The following PDE2A variants were observed in gnomAD, a reference collection of about 807,000 sequenced individuals.
PDE2A encodes the protein phosphodiesterase 2A.
In PDE2A, 53 loss-of-function variants were observed where a neutral mutation model predicts 133.6. The ratio of observed to expected loss-of-function variants is 0.40; its 90% CI spans 0.32 to 0.50. PDE2A has a LOEUF of 0.50. PDE2A is among the 20% of genes least tolerant of loss of function. PDE2A has a pLI of 0.73. For missense variants in PDE2A, 796 were observed against 1,232.4 expected (o/e 0.65, Z 5.30); for synonymous variants, 491 against 490.2 (o/e 1.00, Z -0.02).
At chr11:72,600,598 C>A (rs942205763) in intron 4 of PDE2A, among the ~76,000 whole-genome samples, 18 of 152,300 alleles carry the variant, frequency 1.2e-4, no homozygotes, top group Admixed American at 1.1e-3. Context: ...GAGTCTCCCC[C>A]ACCCACATGG....
At chr11:72,622,230 G>A (rs1481036478) in intron 2 of PDE2A, among the ~76,000 whole-genome samples, 1 of 152,156 alleles carries the variant, frequency 6.6e-6, no homozygotes, top group Non-Finnish European at 1.5e-5. Context: ...TGGCAAGGAT[G>A]TGGAGAAACT....
At chr11:72,639,353 G>A (rs1004518541) in intron 2 of PDE2A, among the ~76,000 whole-genome samples, 4 of 152,214 alleles carry the variant, frequency 2.6e-5, no homozygotes, top group Non-Finnish European at 5.9e-5. Context: ...ACACAGAGAA[G>A]GGGCGAGGGC....
chr11:72,631,434 TC>T (rs1461526381), intron 2 of PDE2A, among the ~76,000 whole-genome samples: 2 of 152,148 alleles, frequency 1.3e-5, no homozygotes, highest in Non-Finnish European at 2.9e-5. Context: ...TTCTGAGGCC[TC>T]CTCCACTTCT....
intron 19 of PDE2A, 38 bp from the exon 20 acceptor site, chr11:72,583,553 G>T: frequency 6.9e-7 from 1 of 1,444,012 alleles, no homozygotes; most frequent in Non-Finnish European, 9.8e-7. Context: ...CAAGGAAGGT[G>T]GCTGTGAAAA....
At chr11:72,635,319 G>A (rs1287225043) in intron 2 of PDE2A, among the ~76,000 whole-genome samples, 1 of 152,198 alleles carries the variant, frequency 6.6e-6, no homozygotes, top group African/African-American at 2.4e-5. Flanking sequence ...ACCATTCTGA[G>A]CTATCTGTCT....
intron 13 of PDE2A, chr11:72,587,828 TGCTGGTAGGTTCTGCA>T (rs1856045986): frequency 6.6e-6 from 1 of 152,250 alleles, no homozygotes; most frequent in African/African-American, 2.4e-5. Flanking sequence ...CACAGTTCCA[TGCTGGTAGGTTCTGCA>T]GCTCAGACCT....
intron 2 of PDE2A, among the ~76,000 whole-genome samples, chr11:72,634,237 G>A (rs1858568755): frequency 6.6e-6 from 1 of 152,106 alleles, no homozygotes; most frequent in East Asian, 1.9e-4. Flanking sequence ...CCTGCAGCTG[G>A]GGAGGGGCTC....
At chr11:72,592,053 C>T (rs1028162196) in intron 6 of PDE2A, among the ~76,000 whole-genome samples, 2 of 152,160 alleles carry the variant, frequency 1.3e-5, no homozygotes, top group South Asian at 2.1e-4. Flanking sequence ...CTCCACCACC[C>T]CCATCATCCT....
chr11:72,638,222 C>T lies in PDE2A; in HGVS notation c.144+4032G>A, dbSNP rs769677072. The stretch of plus-strand genomic sequence containing the variant: ...CACCAGTCACCTGACCCTTCTTGGT[C>T]TCTGGAGCTACTGGTAAAAGAAGGG... On this transcript the variant is annotated intron_variant, in intron 2 of 30. Coordinates refer to ENST00000334456, the MANE Select transcript of PDE2A (RefSeq NM_002599.5). Among the ~76,000 whole-genome samples the T allele has an allele frequency of 5.0e-4, 76 of 152,206 alleles. 1 individual carries two copies. The highest frequency in any genetic ancestry group is 4.3e-4 in the Non-Finnish European group (29 of 68,034).
chr11:72,608,511 A>G, intron 3 of PDE2A, 151 bp downstream of exon 3: 1 of 529,694 alleles, frequency 1.9e-6, no homozygotes, highest in Non-Finnish European at 3.5e-6. Flanking sequence ...GTCTCAGAAC[A>G]CCCATCCAGA....
chr11:72,625,898 G>T (rs1441058772), intron 2 of PDE2A, among the ~76,000 whole-genome samples: 1 of 152,208 alleles, frequency 6.6e-6, no homozygotes, highest in East Asian at 1.9e-4. Flanking sequence ...ATATTTCCCG[G>T]GAAACGGAAC....
intron 2 of PDE2A, among the ~76,000 whole-genome samples, chr11:72,609,816 C>G (rs907684933): frequency 2.6e-5 from 4 of 151,750 alleles, no homozygotes; most frequent in African/African-American, 4.8e-5. Flanking sequence ...ATGAAGGAGA[C>G]ATGGCTGGGT....
intron 2 of PDE2A, among the ~76,000 whole-genome samples, chr11:72,625,787 C>T (rs2047506): frequency 6.6e-6 from 1 of 152,152 alleles, no homozygotes; most frequent in Admixed American, 6.5e-5. Context: ...AGACTCCCCC[C>T]AGCAAGGGCG....
intron 13 of PDE2A, chr11:72,587,776 C>T (rs1856043155): frequency 6.6e-6 from 1 of 152,362 alleles, no homozygotes; most frequent in African/African-American, 2.4e-5. Flanking sequence ...CTGATTCTGC[C>T]TTGCCCCTAT....
At chr11:72,655,347 A>AGACAGCCTGGGGACAATGAGCTTGG (rs57956369) in intron 1 of PDE2A, among the ~76,000 whole-genome samples, 135,589 of 151,846 alleles carry the variant, frequency 0.89, 61,166 homozygotes, top group African/African-American at 0.95. Flanking sequence ...AGCCAGGGTG[A>AGACAGCCTGGGGACAATGAGCTTGG]GGCAGCCTGG....
intron 1 of PDE2A, among the ~76,000 whole-genome samples, chr11:72,652,116 T>A (rs1854757601): frequency 6.6e-6 from 1 of 152,156 alleles, no homozygotes; most frequent in African/African-American, 2.4e-5. Context: ...AGGGCAGAAG[T>A]AGGGAGCAGC....
intron 1 of PDE2A, among the ~76,000 whole-genome samples, chr11:72,673,466 C>T (rs753503639): frequency 4.1e-4 from 62 of 151,874 alleles, no homozygotes; most frequent in Non-Finnish European, 7.2e-4. Context: ...GGTGTCGCCA[C>T]GGCGCCCCCC....
chr11:72,654,873 C>T (rs972743815), intron 1 of PDE2A, among the ~76,000 whole-genome samples: 22 of 152,182 alleles, frequency 1.4e-4, no homozygotes, highest in Non-Finnish European at 2.6e-4. Flanking sequence ...CAGCTCCAGC[C>T]CCCGGTCCCC....
chr11:72,643,819 C>A (rs573979834), intron 1 of PDE2A, among the ~76,000 whole-genome samples: 1 of 152,180 alleles, frequency 6.6e-6, no homozygotes, highest in East Asian at 1.9e-4. Flanking sequence ...ACTCAGGGGG[C>A]AGCCCTCCAT....
Sources: gnomAD v4.1 joint callset for allele counts (sites outside exome capture counted in the v4.1 genomes callset) on GRCh38, gnomAD v4.1.1 for gene constraint, MANE v1.5 for transcripts, NCBI Gene and HGNC (gene_info 2026-07-23, HGNC 2026-07-21) for gene names.